The following ASB9 variants were observed in gnomAD, a reference collection of about 807,000 sequenced individuals.
ASB9 encodes the protein ankyrin repeat and SOCS box containing 9.
A neutral mutation model predicts 16.6 loss-of-function variants in ASB9; 5 were observed. The observed-to-expected ratio is 0.30, with a 90% CI of 0.16 to 0.63. The LOEUF is 0.63. ASB9 is among the 30% of genes least tolerant of loss of function. The pLI is 0.82. For synonymous variants in ASB9, 100 were observed against 86.4 expected (o/e 1.16, Z -0.87); for missense variants, 216 against 229.4 (o/e 0.94, Z 0.38).
chrX:15,267,461 G>A, intron 1 of ASB9, among the ~76,000 whole-genome samples: 1 of 87,200 alleles, frequency 1.1e-5, no homozygotes, highest in African/African-American at 4.2e-5. Flanking sequence ...CTTGTAAAAA[G>A]TGGCCGGGCG....
rs182718872 is a variant in ASB9 at position 15,269,705 on chromosome X, G to A, written c.94+76C>T. ...CATGGACACCTCACACAGAGCCACT[G>A]AAACTGCCCAACCCTCCTCTCCTAA... On this transcript the variant is annotated intron_variant, in intron 1 of 6. Coordinates refer to ENST00000380488, the MANE Select transcript of ASB9 (RefSeq NM_001031739.3). 337 of 899,819 alleles carry A rather than the reference G, an allele frequency of 3.7e-4. 1 individual carries two copies. The African/African-American group carries it at 6.2e-3, about 17-fold the overall frequency. 74.2% of individuals were successfully genotyped at this position (899,819 alleles called of 1,213,427 possible). A position where few individuals can be genotyped will look rare whatever the true frequency, so the allele number is the denominator to read the frequency against.
rs766263309 is a variant in ASB9, at chrX:15,244,562, T to C, written c.829A>G (p.Lys277Glu). The change falls in exon 7 of 7, where the codon AAG becomes GAG. Residue 277 changes from lysine (K) to glutamate (E), a missense_variant. Transcript: ENST00000380488. ...TCTGGGAGGACGAGTTTGGTTATCTTATGATGCTGCTGGATTCCAAAACAC... is the reference window on the plus strand; with the variant it reads ...TCTGGGAGGACGAGTTTGGTTATCTCATGATGCTGCTGGATTCCAAAACAC... ...RKCFGIQQHH[K>E]ITKLVLPEDL... 2 of 1,195,678 alleles carry C rather than the reference T, an allele frequency of 1.7e-6. No individual in the cohort carries two copies. Among genetic ancestry groups the C allele is most frequent in the East Asian group, 5.9e-5 (2 of 33,662 alleles).
chrX:15,249,767 G>GA (rs1223056743), intron 5 of ASB9, among the ~76,000 whole-genome samples: 1 of 112,048 alleles, frequency 8.9e-6, no homozygotes, highest in Admixed American at 9.5e-5. Flanking sequence ...GGCAGTGGGG[G>GA]AGAGACAGAG....
intron 6 of ASB9, among the ~76,000 whole-genome samples, chrX:15,247,494 G>T (rs1198401612): frequency 8.9e-6 from 1 of 111,940 alleles, no homozygotes; most frequent in Non-Finnish European, 1.9e-5. Context: ...CGTTATGACT[G>T]AGGGGGACCT....
chrX:15,252,279 G>A lies in ASB9; in HGVS notation c.408C>T (p.Ser136=). 1 of 1,207,783 alleles carries A rather than the reference G, an allele frequency of 8.3e-7. No homozygotes were observed. Among genetic ancestry groups the A allele is most frequent in the South Asian group, 1.8e-5 (1 of 55,822 alleles). The change falls in exon 4 of 7, where the codon TCC becomes TCT. Residue 136 remains serine, a synonymous_variant. Transcript: ENST00000380488. ...CTCTCCTAGCAGCTTCATGGATGGG[G>A]GATGCCAGATCACTCTCAGGTTGAA... The part of the protein sequence containing the change: ...ASVQPESDLA[S]PIHEAARRGH...
chrX:15,268,728 G>A (rs1024738395), intron 1 of ASB9, among the ~76,000 whole-genome samples: 3 of 107,664 alleles, frequency 2.8e-5, no homozygotes, highest in Admixed American at 9.9e-5. Flanking sequence ...TATATATACA[G>A]GCCTGAACCC....
rs748451103 is a variant in ASB9, at chrX:15,248,804, G to T, written c.700C>A (p.Arg234Ser). The change falls in exon 6 of 7, where the codon CGT becomes AGT. Residue 234 changes from arginine (R) to serine (S), a missense_variant. Physicochemically the swap from Arg to Ser is moderately radical, Grantham distance 110. Coordinates refer to ENST00000380488, the MANE Select transcript of ASB9 (RefSeq NM_001031739.3). ...DTQAKNAEGKRPVELVPPESP... is the reference protein window; with the variant it reads ...DTQAKNAEGKSPVELVPPESP... Reference sequence around the variant, plus strand: ...TCTGGAGGCACCAGCTCCACAGGACGTTTGCCTTCAGCATTCTTGGCCTGG... The same window carrying T: ...TCTGGAGGCACCAGCTCCACAGGACTTTTGCCTTCAGCATTCTTGGCCTGG... 3.3e-6 allele frequency: 4 copies of T among 1,211,763 alleles called. No individual in the cohort carries two copies. The highest frequency in any genetic ancestry group is 4.5e-6 in the Non-Finnish European group (4 of 895,492).
Position 15,244,398 on chromosome X carries a change from C to T in ASB9, c.*108G>A. The T allele has an allele frequency of 1.7e-5, 16 of 928,019 alleles. No homozygotes were observed. The highest frequency in any genetic ancestry group is 2.4e-5 in the Non-Finnish European group (16 of 670,592). The allele number at this position is 928,019 out of a possible 1,213,427, so 76.5% of individuals were successfully genotyped here. A position where few individuals can be genotyped will look rare whatever the true frequency, so the allele number is the denominator to read the frequency against. On this transcript the variant is annotated 3_prime_UTR_variant, in exon 7 of 7. Coordinates refer to ENST00000380488, the MANE Select transcript of ASB9 (RefSeq NM_001031739.3). ...AGTTTATAACAAATACAAATCTAAT[C>T]GAAAAAACTAGTCAAACTCTATAAA...
At position 15,252,330 on chromosome X, in the gene ASB9, A is replaced by G. The variant is rs61751424; in HGVS notation, c.357T>C (p.Asn119=). The change falls in exon 4 of 7, where the codon AAT becomes AAC. Residue 119 remains asparagine (N), a synonymous_variant. Transcript: ENST00000380488. ...ACVSGSWDCV[N]LLLQHGASVQ... Reference sequence around the variant, plus strand: ...CGCTGGCTCCGTGCTGCAGAAGCAAATTCACACAATCCCAGCTGCCGCTGA... The same window carrying G: ...CGCTGGCTCCGTGCTGCAGAAGCAAGTTCACACAATCCCAGCTGCCGCTGA... 0.016 allele frequency: 18,804 copies of G among 1,209,867 alleles called. 129 individuals are homozygous for G. The highest frequency in any genetic ancestry group is 0.017 in the Non-Finnish European group (15,316 of 895,121).
At position 15,269,722 on chromosome X, in the gene ASB9, C is replaced by G; in HGVS notation, c.94+59G>C. 6.8e-6 allele frequency: 7 copies of G among 1,036,255 alleles called. No homozygotes were observed. In the South Asian group the frequency reaches 1.7e-4, roughly 25 times the overall value. The allele number at this position is 1,036,255 out of a possible 1,213,427, so 85.4% of individuals were successfully genotyped here. ...GAGCCACTGAAACTGCCCAACCCTC[C>G]TCTCCTAAGCACATTAGCCAACCTC... is the stretch of plus-strand genomic sequence containing the variant. On this transcript the variant is annotated intron_variant, in intron 1 of 6. Coordinates refer to ENST00000380488, the MANE Select transcript of ASB9 (RefSeq NM_001031739.3).
intron 2 of ASB9, among the ~76,000 whole-genome samples, chrX:15,257,290 T>A (rs1386005605): frequency 9.1e-6 from 1 of 110,460 alleles, no homozygotes. Context: ...ATGCCTGTAG[T>A]CCCAGCTACT....
At chrX:15,248,354 C>G (rs749507882) in intron 6 of ASB9, among the ~76,000 whole-genome samples, 57 of 112,285 alleles carry the variant, frequency 5.1e-4, no homozygotes, top group Non-Finnish European at 9.8e-4. Flanking sequence ...AGTAGTCTGG[C>G]CCATCTGTGG....
intron 6 of ASB9, among the ~76,000 whole-genome samples, chrX:15,247,697 T>C (rs1383240980): frequency 8.9e-6 from 1 of 112,637 alleles, no homozygotes; most frequent in Non-Finnish European, 1.9e-5. Context: ...ATTATTAAAA[T>C]GCAGATAGAA....
intron 1 of ASB9, among the ~76,000 whole-genome samples, chrX:15,266,427 C>T (rs1397180244): frequency 8.9e-6 from 1 of 111,947 alleles, no homozygotes; most frequent in Non-Finnish European, 1.9e-5. Flanking sequence ...CAATGGCTCT[C>T]AATTTCCTGC....
chrX:15,264,016 G>A (rs1926188398), intron 1 of ASB9, among the ~76,000 whole-genome samples: 1 of 111,669 alleles, frequency 9.0e-6, no homozygotes, highest in Admixed American at 9.5e-5. Flanking sequence ...CACAAACTGG[G>A]TGGCTTAAAA....
chrX:15,252,593 C>T (rs1381801021), intron 3 of ASB9, among the ~76,000 whole-genome samples, 189 bp from the exon 4 acceptor site: 2 of 111,966 alleles, frequency 1.8e-5, no homozygotes, highest in African/African-American at 3.2e-5. Flanking sequence ...TATAAAGCAT[C>T]GAAAATGTTA....
intron 5 of ASB9, among the ~76,000 whole-genome samples, chrX:15,249,648 A>C (rs1924942057): frequency 8.9e-6 from 1 of 112,367 alleles, no homozygotes; most frequent in Admixed American, 9.4e-5. Context: ...CACTCAACAA[A>C]TGTTAACTGA....
At position 15,244,550 on chromosome X, in the gene ASB9, G is replaced by A. The variant is rs144457529; in HGVS notation, c.841C>T (p.Leu281Phe). ...TGTTTCAGATCCTCTGGGAGGACGA[G>A]TTTGGTTATCTTATGATGCTGCTGG... Reference protein sequence around the residue: ...GIQQHHKITKLVLPEDLKQFL... With the variant: ...GIQQHHKITKFVLPEDLKQFL... The change falls in exon 7 of 7, where the codon CTC becomes TTC. Residue 281 changes from leucine (L) to phenylalanine (F), a missense_variant. Transcript: ENST00000380488. 10 of 1,194,927 alleles carry A rather than the reference G, an allele frequency of 8.4e-6. No individual in the cohort carries two copies. In the African/African-American group the frequency reaches 1.4e-4, roughly 17 times the overall value.
chrX:15,267,417 A>ATATAT (rs1555934601), intron 1 of ASB9, among the ~76,000 whole-genome samples: 933 of 77,608 alleles, frequency 0.012, 11 homozygotes, highest in African/African-American at 0.038. Context: ...CTAAAAAAAA[A>ATATAT]ATATATATAT....
Sources: allele counts gnomAD v4.1 joint callset (sites outside exome capture counted in the v4.1 genomes callset), GRCh38; gene constraint gnomAD v4.1.1; transcripts MANE v1.5; gene names NCBI Gene and HGNC (gene_info 2026-07-23, HGNC 2026-07-21).